The following BABAM2 variants were observed in gnomAD, a reference collection of about 807,000 sequenced individuals.
BABAM2 encodes the protein BRISC and BRCA1 A complex member 2.
BABAM2 carries 31 observed loss-of-function variants against 54.7 expected under a neutral mutation model. The ratio of observed to expected loss-of-function variants is 0.57; its 90% CI spans 0.43 to 0.77. The LOEUF (loss-of-function observed/expected upper bound fraction) is 0.77. Ranked by LOEUF, BABAM2 falls within the 30% of genes least tolerant of loss-of-function variation. BABAM2 has a pLI of 0.00. For synonymous variants in BABAM2, 167 were observed against 162.9 expected (o/e 1.03, Z -0.19); for missense variants, 364 against 455.8 (o/e 0.80, Z 1.83).
intron 3 of BABAM2, among the ~76,000 whole-genome samples, chr2:27,949,152 C>T (rs559324808): frequency 3.3e-5 from 5 of 152,154 alleles, no homozygotes; most frequent in East Asian, 3.9e-4. Context: ...AGAAGGAAGG[C>T]GAGTACATTG....
intron 3 of BABAM2, among the ~76,000 whole-genome samples, chr2:27,980,375 T>C (rs953565899): frequency 6.6e-6 from 1 of 152,250 alleles, no homozygotes; most frequent in Non-Finnish European, 1.5e-5. Context: ...TTTTCTCTAC[T>C]GTCTCTGCCT....
intron 7 of BABAM2, among the ~76,000 whole-genome samples, chr2:28,167,969 A>T (rs1673893698): frequency 6.6e-6 from 1 of 152,208 alleles, no homozygotes; most frequent in African/African-American, 2.4e-5. Context: ...TAGAGAAGTT[A>T]ATAATTTTCT....
intron 6 of BABAM2, among the ~76,000 whole-genome samples, chr2:28,097,429 A>C (rs904600700): frequency 1.3e-5 from 2 of 152,206 alleles, no homozygotes; most frequent in African/African-American, 4.8e-5. Flanking sequence ...GTAGTTATAT[A>C]ATGATACCTT....
At chr2:28,093,879 C>G (rs939791724) in intron 6 of BABAM2, among the ~76,000 whole-genome samples, 2 of 152,034 alleles carry the variant, frequency 1.3e-5, no homozygotes, top group African/African-American at 4.8e-5. Flanking sequence ...ATATTTGGAC[C>G]AAACGTAAGA....
At chr2:28,140,780 T>C (rs769896595) in intron 7 of BABAM2, among the ~76,000 whole-genome samples, 12 of 152,168 alleles carry the variant, frequency 7.9e-5, no homozygotes, top group Non-Finnish European at 1.5e-4. Flanking sequence ...AAGATATATG[T>C]AGCTATGTGT....
At chr2:27,959,349 A>G (rs1230789949) in intron 3 of BABAM2, among the ~76,000 whole-genome samples, 1 of 152,222 alleles carries the variant, frequency 6.6e-6, no homozygotes, top group Admixed American at 6.5e-5. Context: ...ATGTTTCATG[A>G]AGAGAGATGC....
chr2:28,150,388 A>G (rs151336447), intron 7 of BABAM2, among the ~76,000 whole-genome samples: 2 of 152,302 alleles, frequency 1.3e-5, no homozygotes, highest in Middle Eastern at 3.4e-3. Flanking sequence ...ATACATGGCA[A>G]TACAGAGGGG....
intron 5 of BABAM2, among the ~76,000 whole-genome samples, chr2:28,032,469 T>C (rs538225194): frequency 3.3e-5 from 5 of 152,246 alleles, no homozygotes; most frequent in Admixed American, 3.3e-4. Flanking sequence ...ATTTAGAAGT[T>C]TGAGCAAGCA....
chr2:28,007,358 A>G (rs1288502667), intron 4 of BABAM2, among the ~76,000 whole-genome samples: 1 of 152,076 alleles, frequency 6.6e-6, no homozygotes, highest in Non-Finnish European at 1.5e-5. Context: ...ATATATATCA[A>G]CCTGTGACAT....
intron 3 of BABAM2, among the ~76,000 whole-genome samples, chr2:27,948,769 T>A (rs1426304441): frequency 1.3e-5 from 2 of 151,876 alleles, no homozygotes; most frequent in African/African-American, 4.8e-5. Flanking sequence ...AGACTCCACC[T>A]CAAAAAATAA....
chr2:28,178,716 A>G (rs749540307), intron 7 of BABAM2, among the ~76,000 whole-genome samples: 1 of 151,476 alleles, frequency 6.6e-6, no homozygotes, highest in Non-Finnish European at 1.5e-5. Context: ...TTTTAAAAAG[A>G]TGAACAGCAG....
At chr2:28,282,934 G>C (rs1419684347) in intron 10 of BABAM2, among the ~76,000 whole-genome samples, 1 of 132,910 alleles carries the variant, frequency 7.5e-6, no homozygotes, top group Non-Finnish European at 1.5e-5. Context: ...GGAGGCAGAG[G>C]TTGCAGTGAG....
chr2:28,224,241 C>T (rs1680669617), intron 7 of BABAM2, among the ~76,000 whole-genome samples: 1 of 152,212 alleles, frequency 6.6e-6, no homozygotes, highest in Non-Finnish European at 1.5e-5. Flanking sequence ...AACTATATCA[C>T]ATACTCCCTG....
chr2:27,935,495 T>C (rs2148365309), intron 3 of BABAM2, among the ~76,000 whole-genome samples: 1 of 152,344 alleles, frequency 6.6e-6, no homozygotes, highest in East Asian at 1.9e-4. Context: ...GCAAAGAAAG[T>C]AGTTTCTTGA....
chr2:28,112,377 G>A (rs1668214267), intron 6 of BABAM2, among the ~76,000 whole-genome samples: 1 of 151,300 alleles, frequency 6.6e-6, no homozygotes, highest in South Asian at 2.1e-4. Flanking sequence ...CCCCTGACAG[G>A]CCCTGGTGTG....
intron 4 of BABAM2, among the ~76,000 whole-genome samples, chr2:27,996,663 C>T (rs1219782199): frequency 1.3e-5 from 2 of 152,176 alleles, no homozygotes; most frequent in African/African-American, 4.8e-5. Flanking sequence ...CAACACTCTG[C>T]CAAAAGCTCC....
intron 6 of BABAM2, among the ~76,000 whole-genome samples, chr2:28,123,843 G>A (rs1195459428): frequency 6.6e-6 from 1 of 152,168 alleles, no homozygotes; most frequent in Non-Finnish European, 1.5e-5. Flanking sequence ...CATGTTTTAT[G>A]TACTTTTTTC....
At chr2:28,112,216 T>TTCCTTCCTTCCTTCCTTCCTTCCTTCCG (rs2148730647) in intron 6 of BABAM2, among the ~76,000 whole-genome samples, 1 of 121,498 alleles carries the variant, frequency 8.2e-6, no homozygotes, top group South Asian at 3.5e-4. Context: ...CCTTCCTTCC[T>TTCCTTCCTTCCTTCCTTCCTTCCTTCCG]TCCTTCCTTC....
intron 7 of BABAM2, among the ~76,000 whole-genome samples, chr2:28,152,813 A>G (rs1446526146): frequency 1.3e-5 from 2 of 152,244 alleles, no homozygotes; most frequent in Non-Finnish European, 2.9e-5. Context: ...GTCATCGGCT[A>G]CTAGGCATTG....
Sources: gnomAD v4.1 joint callset for allele counts (sites outside exome capture counted in the v4.1 genomes callset) on GRCh38, gnomAD v4.1.1 for gene constraint, MANE v1.5 for transcripts, NCBI Gene and HGNC (gene_info 2026-07-23, HGNC 2026-07-21) for gene names.